AMELX: variants seen among roughly 807,000 people sequenced by gnomAD.
The protein encoded by AMELX is amelogenin X-linked.
Under a neutral mutation model 15.8 loss-of-function variants are expected in AMELX, and 9 were observed. The observed-to-expected ratio is 0.57, with a 90% CI of 0.34 to 0.99. AMELX has a LOEUF of 0.99. Ranked by LOEUF, AMELX falls within the 50% of genes least tolerant of loss-of-function variation. The probability of loss-of-function intolerance (pLI) is 0.02; values close to 1 mark genes in which losing one functional copy is unlikely to be tolerated. For missense variants in AMELX, 107 were observed against 156.2 expected (o/e 0.68, Z 1.68); for synonymous variants, 61 against 58.8 (o/e 1.04, Z -0.17).
chrX:11,300,899 T>C (rs753831696), downstream of AMELX: 26 of 227,549 alleles, frequency 1.1e-4, no homozygotes, highest in Non-Finnish European at 1.8e-4. Flanking sequence ...ATAAGGAATA[T>C]ATTTCTTTTT....
In AMELX at chrX:11,298,907, T is replaced by C. The variant is rs2048131297; in HGVS notation, c.504T>C (p.Pro168=). 9.1e-6 allele frequency: 11 copies of C among 1,210,900 alleles called. No individual in the cohort carries two copies. In the East Asian group the frequency reaches 3.3e-4, roughly 36 times the overall value. ...CGATGTTCCCCATGCAGCCCCTGCC[T>C]CCCATGCTTCCTGATCTGACTCTGG... ...LPPMFPMQPL[P]PMLPDLTLEA... is the part of the protein sequence containing the mutation. Residue 168 remains proline (P), a synonymous_variant, in exon 5 of 6, where the codon CCT becomes CCC. Transcript: ENST00000380714.
chrX:11,300,583 C>A, intron 5 of AMELX, 24 bp from the exon 6 acceptor site: 1 of 1,166,529 alleles, frequency 8.6e-7, no homozygotes, highest in Non-Finnish European at 1.2e-6. Flanking sequence ...ATTATTTTAA[C>A]TGTTCTTTTG....
At chrX:11,305,974 T>C in the AMELX span, among the ~76,000 whole-genome samples, 1 of 111,794 alleles carries the variant, frequency 8.9e-6, no homozygotes, top group Non-Finnish European at 1.9e-5. Context: ...ACCCTATCTG[T>C]CCAAATAACC....
At chrX:11,308,280 T>G in the AMELX span, among the ~76,000 whole-genome samples, 3 of 112,258 alleles carry the variant, frequency 2.7e-5, no homozygotes, top group African/African-American at 9.7e-5. Context: ...TGTGAACACT[T>G]CGGTAACAAT....
At chrX:11,308,822 T>G in the AMELX span, among the ~76,000 whole-genome samples, 29,125 of 111,465 alleles carry the variant, frequency 0.26, 3,121 homozygotes, top group African/African-American at 0.39. Flanking sequence ...TCCATTGATT[T>G]TCAAATACTG....
chrX:11,305,494 G>A (rs1028149511), downstream of AMELX, among the ~76,000 whole-genome samples: 2 of 112,535 alleles, frequency 1.8e-5, no homozygotes, highest in African/African-American at 6.5e-5. Context: ...CAAGAAGCTT[G>A]TCTCCTGTGA....
chrX:11,296,749 T>C, intron 2 of AMELX, 30 bp from the exon 3 acceptor site: 1 of 1,184,936 alleles, frequency 8.4e-7, no homozygotes, highest in Non-Finnish European at 1.1e-6. Context: ...CCTCTCTCTT[T>C]CTATTCTCCT....
At chrX:11,300,802 A>G, downstream of AMELX, 1 of 428,442 alleles carries the variant, frequency 2.3e-6, no homozygotes, top group African/African-American at 2.4e-5. Flanking sequence ...TTTTCCTATC[A>G]TTTGAGATGA....
intron 3 of AMELX, among the ~76,000 whole-genome samples, chrX:11,297,534 C>T (rs2048107072): frequency 1.8e-5 from 2 of 111,968 alleles, no homozygotes; most frequent in South Asian, 3.7e-4. Flanking sequence ...TTTTTTGTAT[C>T]GATTAAATGC....
intron 2 of AMELX, among the ~76,000 whole-genome samples, chrX:11,296,463 C>T (rs1368796819): frequency 9.0e-6 from 1 of 111,395 alleles, no homozygotes; most frequent in Non-Finnish European, 1.9e-5. Flanking sequence ...GGATGCTGTC[C>T]AAAGATCACT....
At chrX:11,302,761 T>G (rs1393810644), downstream of AMELX, among the ~76,000 whole-genome samples, 1 of 110,921 alleles carries the variant, frequency 9.0e-6, no homozygotes, top group African/African-American at 3.3e-5. Flanking sequence ...AGAATGATTA[T>G]GTGGTTATGG....
At chrX:11,296,865 T>A (rs1470990897) in intron 3 of AMELX, 39 bp downstream of exon 3, 10 of 1,171,858 alleles carry the variant, frequency 8.5e-6, no homozygotes, top group Non-Finnish European at 1.2e-5. Flanking sequence ...ATTGTTTGCG[T>A]TAACAATGCC....
chrX:11,294,821 G>A lies in AMELX; in HGVS notation c.33G>A (p.Leu11=). Residue 11 remains leucine (L), a synonymous_variant, in exon 2 of 6, where the codon CTG becomes CTA. Transcript: ENST00000380714. MGTWILFACL[L]GAAFAMPLPP... ...CCTGGATTTTATTTGCCTGCCTCCT[G>A]GGAGCAGCTTTTGCCATGCCTGTGA... 8.3e-7 allele frequency: 1 copy of A among 1,211,767 alleles called. No homozygotes were observed. The highest frequency in any genetic ancestry group is 1.1e-6 in the Non-Finnish European group (1 of 895,438).
chrX:11,303,410 G>C (rs1241811920), downstream of AMELX, among the ~76,000 whole-genome samples: 1 of 111,829 alleles, frequency 8.9e-6, no homozygotes, highest in African/African-American at 3.3e-5. Context: ...GATTGGGCTG[G>C]GAGTGGTGAG....
intron 2 of AMELX, among the ~76,000 whole-genome samples, chrX:11,296,535 G>A (rs773412450): frequency 8.9e-6 from 1 of 111,799 alleles, no homozygotes; most frequent in Non-Finnish European, 1.9e-5. Context: ...ATAACCCCAG[G>A]AACAGTCATT....
the AMELX span, among the ~76,000 whole-genome samples, chrX:11,307,355 A>T: frequency 9.0e-6 from 1 of 111,525 alleles, no homozygotes; most frequent in Admixed American, 9.5e-5. Flanking sequence ...TCTACCTGGC[A>T]TCTAATGCCC....
At chrX:11,294,657 C>A in intron 1 of AMELX, 120 bp from the exon 2 acceptor site, 1 of 775,719 alleles carries the variant, frequency 1.3e-6, no homozygotes, top group Non-Finnish European at 2.0e-6. Flanking sequence ...AATTCACAAA[C>A]AATGGCTCCA....
chrX:11,294,085 C>T (rs1251133947), intron 1 of AMELX, among the ~76,000 whole-genome samples: 3 of 111,942 alleles, frequency 2.7e-5, no homozygotes, highest in Non-Finnish European at 3.8e-5. Flanking sequence ...ATGAAGATTC[C>T]ATTGAAAGAA....
At chrX:11,305,225 G>A (rs1231079839), downstream of AMELX, among the ~76,000 whole-genome samples, 1 of 111,073 alleles carries the variant, frequency 9.0e-6, no homozygotes, top group African/African-American at 3.3e-5. Flanking sequence ...GGGGTGTTAA[G>A]GAGAATTTGC....
Sources: gnomAD v4.1 joint callset for allele counts (sites outside exome capture counted in the v4.1 genomes callset) on GRCh38, gnomAD v4.1.1 for gene constraint, MANE v1.5 for transcripts, NCBI Gene and HGNC (gene_info 2026-07-23, HGNC 2026-07-21) for gene names.